Variants in DGKI observed in about 807,000 individuals in gnomAD.
DGKI encodes DAG kinase iota.
A neutral mutation model predicts 147.5 loss-of-function variants in DGKI; 55 were observed. That is an observed-to-expected ratio of 0.37 (90% CI 0.30 to 0.47). The LOEUF (loss-of-function observed/expected upper bound fraction) is 0.47, where lower values mean the gene tolerates loss of function less well. Among genes scored for constraint, DGKI ranks in the 20% least tolerant of loss-of-function variants. DGKI has a pLI of 1.00. For missense variants in DGKI, 1,007 were observed against 1,323.8 expected (o/e 0.76, Z 3.71); for synonymous variants, 469 against 477.1 (o/e 0.98, Z 0.22).
intron 1 of DGKI, among the ~76,000 whole-genome samples, chr7:137,775,656 C>G (rs377723744): frequency 1.3e-5 from 2 of 152,226 alleles, no homozygotes; most frequent in South Asian, 2.1e-4. Context: ...GTCTATCTTA[C>G]AAAAGTATGC....
intron 6 of DGKI, among the ~76,000 whole-genome samples, chr7:137,630,591 A>G (rs760244639): frequency 2.0e-5 from 3 of 152,246 alleles, no homozygotes; most frequent in Non-Finnish European, 4.4e-5. Flanking sequence ...TCGTGGAAAC[A>G]GACAACTTAA....
At chr7:137,525,766 T>C (rs1429508575) in intron 20 of DGKI, among the ~76,000 whole-genome samples, 1 of 152,178 alleles carries the variant, frequency 6.6e-6, no homozygotes, top group African/African-American at 2.4e-5. Context: ...CTGAAAATCG[T>C]TCTCCTAGAT....
intron 6 of DGKI, among the ~76,000 whole-genome samples, chr7:137,626,288 A>C (rs1004998484): frequency 6.6e-6 from 1 of 151,568 alleles, no homozygotes; most frequent in African/African-American, 2.4e-5. Flanking sequence ...TGTCAATGAC[A>C]GTATCTTTTC....
intron 28 of DGKI, among the ~76,000 whole-genome samples, 153 bp from the exon 29 acceptor site, chr7:137,412,360 C>G (rs1039520018): frequency 3.9e-5 from 6 of 152,176 alleles, no homozygotes; most frequent in Non-Finnish European, 7.3e-5. Flanking sequence ...GAGGCCCCCT[C>G]TTTAACCCTT....
chr7:137,405,788 T>C (rs766574788), intron 30 of DGKI, among the ~76,000 whole-genome samples: 11 of 152,088 alleles, frequency 7.2e-5, no homozygotes, highest in Admixed American at 3.9e-4. Flanking sequence ...GACGAGGTGT[T>C]GAGAAAGGCT....
chr7:137,440,489 T>C (rs193154113), intron 28 of DGKI, among the ~76,000 whole-genome samples: 1 of 152,236 alleles, frequency 6.6e-6, no homozygotes, highest in African/African-American at 2.4e-5. Context: ...ATCTCCATAG[T>C]TCTATCCATT....
chr7:137,542,721 C>T (rs183021490), intron 20 of DGKI, among the ~76,000 whole-genome samples: 1 of 152,224 alleles, frequency 6.6e-6, no homozygotes. Flanking sequence ...CTTTATGGAA[C>T]TGTACACCAG....
At chr7:137,490,694 T>C (rs1444727403) in intron 21 of DGKI, among the ~76,000 whole-genome samples, 1 of 152,230 alleles carries the variant, frequency 6.6e-6, no homozygotes, top group East Asian at 1.9e-4. Context: ...GTTAACCAAC[T>C]GCCAAGCTTC....
At chr7:137,842,330 C>CA (rs1203734360) in intron 1 of DGKI, among the ~76,000 whole-genome samples, 1 of 152,160 alleles carries the variant, frequency 6.6e-6, no homozygotes, top group South Asian at 2.1e-4. Flanking sequence ...AAAACACACG[C>CA]AAAAAAACTA....
At chr7:137,669,085 C>A (rs1013925608) in intron 3 of DGKI, among the ~76,000 whole-genome samples, 8 of 152,342 alleles carry the variant, frequency 5.3e-5, no homozygotes, top group Middle Eastern at 3.4e-3. Flanking sequence ...CAGTGTCACA[C>A]AACTCAAAGC....
At chr7:137,402,404 A>T (rs900004650) in intron 30 of DGKI, among the ~76,000 whole-genome samples, 1 of 152,234 alleles carries the variant, frequency 6.6e-6, no homozygotes, top group Non-Finnish European at 1.5e-5. Flanking sequence ...GGAATGCGAA[A>T]GGAAGCAAAA....
At chr7:137,393,352 C>G (rs1369289715) in intron 32 of DGKI, among the ~76,000 whole-genome samples, 1 of 152,100 alleles carries the variant, frequency 6.6e-6, no homozygotes, top group Non-Finnish European at 1.5e-5. Context: ...AGAGCCAGGT[C>G]TCCTGATTCC....
intron 20 of DGKI, among the ~76,000 whole-genome samples, chr7:137,536,687 T>C (rs1315650342): frequency 6.6e-6 from 1 of 152,182 alleles, no homozygotes; most frequent in Non-Finnish European, 1.5e-5. Context: ...ACATGGCTGA[T>C]GTTACACAGA....
chr7:137,715,658 CA>C (rs1323514674), intron 1 of DGKI, among the ~76,000 whole-genome samples: 70 of 152,316 alleles, frequency 4.6e-4, no homozygotes, highest in African/African-American at 1.6e-3. Context: ...GCACACACAG[CA>C]GTGCCCTGTA....
At chr7:137,455,507 C>T (rs978528733) in intron 27 of DGKI, among the ~76,000 whole-genome samples, 4 of 151,876 alleles carry the variant, frequency 2.6e-5, no homozygotes, top group Admixed American at 2.0e-4. Flanking sequence ...ATTCCATTCC[C>T]ACCTTTAAGG....
intron 1 of DGKI, among the ~76,000 whole-genome samples, chr7:137,809,723 G>A (rs2085423512): frequency 6.6e-6 from 1 of 152,076 alleles, no homozygotes; most frequent in South Asian, 2.1e-4. Flanking sequence ...GGGCAACATG[G>A]CAAAACCCTG....
intron 1 of DGKI, among the ~76,000 whole-genome samples, chr7:137,691,685 A>AC (rs1233795511): frequency 1.4e-4 from 22 of 152,172 alleles, no homozygotes; most frequent in Admixed American, 1.4e-3. Flanking sequence ...GATGAACAGT[A>AC]GCCCCCAAGC....
chr7:137,760,096 A>G (rs1281065849), intron 1 of DGKI, among the ~76,000 whole-genome samples: 1 of 152,146 alleles, frequency 6.6e-6, no homozygotes, highest in African/African-American at 2.4e-5. Flanking sequence ...CCAGTCACAG[A>G]GGAGTCACTC....
intron 11 of DGKI, 73 bp downstream of exon 11, chr7:137,599,750 A>C (rs1044889296): frequency 7.5e-7 from 1 of 1,333,530 alleles, no homozygotes; most frequent in African/African-American, 1.4e-5. Context: ...TCACAAGGTA[A>C]TCAGATAATG....
Sources: gnomAD v4.1 joint callset for allele counts (sites outside exome capture counted in the v4.1 genomes callset) on GRCh38, gnomAD v4.1.1 for gene constraint, MANE v1.5 for transcripts, NCBI Gene and HGNC (gene_info 2026-07-23, HGNC 2026-07-21) for gene names.